VEGFC: variants seen among roughly 807,000 people sequenced by gnomAD.
The protein encoded by VEGFC is vascular endothelial growth factor C.
In VEGFC, 12 loss-of-function variants were observed where a neutral mutation model predicts 46.1. The observed-to-expected ratio is 0.26, with a 90% CI of 0.17 to 0.42. VEGFC has a LOEUF of 0.42. VEGFC is among the 10% of genes least tolerant of loss of function. The pLI, the probability that VEGFC is intolerant of heterozygous loss-of-function variation, is 1.00. For missense variants in VEGFC, 488 were observed against 529.4 expected, an observed-to-expected ratio of 0.92 and a Z score of 0.77; for synonymous variants, 232 against 195.5, an observed-to-expected ratio of 1.19 and a Z score of -1.56.
intron 4 of VEGFC, among the ~76,000 whole-genome samples, chr4:176,710,665 G>C (rs750110803): frequency 4.6e-5 from 7 of 152,134 alleles, no homozygotes; most frequent in Non-Finnish European, 8.8e-5. Flanking sequence ...AAATGCTAGA[G>C]TTATGTAAGT....
chr4:176,740,513 A>AGAGAGTATATATAACTATATATTC (rs1560951883), intron 1 of VEGFC, among the ~76,000 whole-genome samples: 1 of 54,082 alleles, frequency 1.8e-5, no homozygotes, highest in East Asian at 1.7e-3. Flanking sequence ...TATATTCTAT[A>AGAGAGTATATATAACTATATATTC]TATAGAGAGT....
intron 1 of VEGFC, among the ~76,000 whole-genome samples, chr4:176,752,800 A>G (rs1474022992): frequency 6.6e-6 from 1 of 152,080 alleles, no homozygotes; most frequent in Non-Finnish European, 1.5e-5. Context: ...ATAGGGAAAG[A>G]GCCTAGACTT....
chr4:176,746,244 TGGTCCA>T (rs1735255813), intron 1 of VEGFC, among the ~76,000 whole-genome samples: 1 of 152,076 alleles, frequency 6.6e-6, no homozygotes, highest in South Asian at 2.1e-4. Context: ...TATATATGAT[TGGTCCA>T]GGTCCAGGGG....
chr4:176,792,168 G>A lies in VEGFC; in HGVS notation c.144C>T (p.Ala48=), dbSNP rs535702112. The A allele has an allele frequency of 6.6e-7, 1 of 1,508,690 alleles. No homozygotes were observed. Among genetic ancestry groups the A allele is most frequent in the African/African-American group, 1.5e-5 (1 of 68,780 alleles). The allele number at this position is 1,508,690 out of a possible 1,614,324, so 93.5% of individuals were successfully genotyped here. ...LSDAEPDAGE[A]TAYASKDLEE... is the part of the protein sequence containing the mutation. The stretch of plus-strand genomic sequence containing the variant: ...GCAAACCCTAACGCAGACCTACCGT[G>A]GCCTCGCCCGCGTCGGGCTCCGCGT... The change falls in exon 1 of 7, where the codon GCC becomes GCT. Residue 48 remains alanine, a synonymous_variant. Coordinates refer to ENST00000618562, the MANE Select transcript of VEGFC (RefSeq NM_005429.5). The surrounding 1 kb of genome is among the most constrained non-coding windows in gnomAD (Gnocchi z 6.3).
intron 4 of VEGFC, among the ~76,000 whole-genome samples, chr4:176,710,073 A>G (rs977088478): frequency 5.9e-5 from 9 of 152,234 alleles, no homozygotes; most frequent in African/African-American, 2.2e-4. Flanking sequence ...TGAATAATGT[A>G]GAAATAAAGG....
intron 1 of VEGFC, among the ~76,000 whole-genome samples, chr4:176,737,596 T>C (rs1392397782): frequency 2.6e-5 from 4 of 151,194 alleles, no homozygotes; most frequent in African/African-American, 7.3e-5. Context: ...AATAATAATA[T>C]AAATTCAGAT....
At chr4:176,727,284 T>C (rs544315424) in intron 3 of VEGFC, among the ~76,000 whole-genome samples, 30 of 152,176 alleles carry the variant, frequency 2.0e-4, no homozygotes, top group Admixed American at 9.2e-4. Flanking sequence ...TTCCTTTGCT[T>C]TCGACAGGAA....
intron 3 of VEGFC, among the ~76,000 whole-genome samples, chr4:176,714,019 C>T (rs184611877): frequency 3.0e-4 from 46 of 152,272 alleles, no homozygotes; most frequent in African/African-American, 9.9e-4. Context: ...AGAAGAGGTG[C>T]TCCATGTGAC....
chr4:176,787,022 C>T (rs1016057272), intron 1 of VEGFC, among the ~76,000 whole-genome samples: 2 of 152,078 alleles, frequency 1.3e-5, no homozygotes, highest in African/African-American at 4.8e-5. Flanking sequence ...ACCCCAAAAA[C>T]AAGCAGGACT....
chr4:176,770,405 C>T (rs987546427), intron 1 of VEGFC, among the ~76,000 whole-genome samples: 4 of 152,110 alleles, frequency 2.6e-5, no homozygotes, highest in African/African-American at 9.7e-5. Flanking sequence ...CTACTATTAA[C>T]AGCATTGTTT....
At chr4:176,743,865 A>G (rs1333185611) in intron 1 of VEGFC, among the ~76,000 whole-genome samples, 1 of 151,976 alleles carries the variant, frequency 6.6e-6, no homozygotes, top group Non-Finnish European at 1.5e-5. Flanking sequence ...TGAAACAAAT[A>G]TTGTTTCTGT....
At chr4:176,712,344 C>T (rs1734633430) in intron 3 of VEGFC, among the ~76,000 whole-genome samples, 1 of 152,096 alleles carries the variant, frequency 6.6e-6, no homozygotes, top group Admixed American at 6.6e-5. Context: ...GAATTACAGT[C>T]AAAATTTAGT....
At chr4:176,733,201 T>C (rs888565090) in intron 1 of VEGFC, among the ~76,000 whole-genome samples, 2 of 151,890 alleles carry the variant, frequency 1.3e-5, no homozygotes, top group Admixed American at 6.6e-5. Flanking sequence ...GCAAAAACAG[T>C]TGGGCAGTTT....
At chr4:176,684,512 C>T in intron 6 of VEGFC, among the ~76,000 whole-genome samples, 1 of 152,118 alleles carries the variant, frequency 6.6e-6, no homozygotes, top group East Asian at 1.9e-4. Context: ...ACTCTTGTGT[C>T]TCTACTTGGC....
intron 3 of VEGFC, among the ~76,000 whole-genome samples, chr4:176,713,321 T>G (rs1161150162): frequency 1.3e-5 from 2 of 152,194 alleles, no homozygotes; most frequent in African/African-American, 2.4e-5. Flanking sequence ...AGTAATCCTT[T>G]GCACTATATA....
intron 1 of VEGFC, among the ~76,000 whole-genome samples, chr4:176,787,246 C>G (rs773834108): frequency 1.1e-4 from 16 of 151,934 alleles, no homozygotes; most frequent in Non-Finnish European, 2.1e-4. Flanking sequence ...CACCTGAAGT[C>G]AGGAGTTTGA....
At chr4:176,726,492 T>C (rs111956271) in intron 3 of VEGFC, among the ~76,000 whole-genome samples, 91 of 152,318 alleles carry the variant, frequency 6.0e-4, no homozygotes, top group African/African-American at 2.1e-3. Flanking sequence ...TTTTTGTTTC[T>C]TCTTGCAAGT....
chr4:176,710,065 A>G (rs1322731110), intron 4 of VEGFC, among the ~76,000 whole-genome samples: 1 of 152,208 alleles, frequency 6.6e-6, no homozygotes, highest in African/African-American at 2.4e-5. Flanking sequence ...CACTGCCATG[A>G]ATAATGTAGA....
chr4:176,787,933 C>T (rs892408895), intron 1 of VEGFC, among the ~76,000 whole-genome samples: 4 of 152,132 alleles, frequency 2.6e-5, no homozygotes, highest in African/African-American at 9.7e-5. Context: ...TCTGTACATA[C>T]AAATATGTGT....
Sources: gnomAD v4.1 joint callset for allele counts (sites outside exome capture counted in the v4.1 genomes callset) on GRCh38, gnomAD v4.1.1 for gene constraint, Gnocchi (gnomAD v3.1) non-coding constraint, MANE v1.5 for transcripts, NCBI Gene and HGNC (gene_info 2026-07-23, HGNC 2026-07-21) for gene names.